The following CCDC117 variants were observed in gnomAD, a reference collection of about 807,000 sequenced individuals.
CCDC117 encodes coiled-coil domain containing 117.
In CCDC117, 1 loss-of-function variant was observed where a neutral mutation model predicts 23.5. The observed-to-expected ratio is 0.04, with a 90% CI of 0.02 to 0.20. The LOEUF is 0.20. Among genes scored for constraint, CCDC117 ranks in the 10% least tolerant of loss-of-function variants. The probability of loss-of-function intolerance (pLI) is 1.00; values close to 1 mark genes in which losing one functional copy is unlikely to be tolerated. For synonymous variants in CCDC117, 132 were observed against 124.8 expected (o/e 1.06, Z -0.39); for missense variants, 383 against 348.2 (o/e 1.10, Z -0.80).
chr22:28,788,014 T>C lies in CCDC117; in HGVS notation c.*1688T>C, dbSNP rs2031569056. On this transcript the variant is annotated 3_prime_UTR_variant, in exon 5 of 5. Transcript: ENST00000249064. The stretch of plus-strand genomic sequence containing the variant: ...TCTGTTAATTGGACTGTTGCTTCTT[T>C]GCCTGTTCCTGCTTTCTCTTTCTGT... 1 of 152,678 alleles carries C rather than the reference T, an allele frequency of 6.5e-6. No individual in the cohort carries two copies. The highest frequency in any genetic ancestry group is 6.5e-5 in the Admixed American group (1 of 15,284). The allele number at this position is 152,678 out of a possible 1,614,324, so 9.5% of individuals were successfully genotyped here.
intron 3 of CCDC117, among the ~76,000 whole-genome samples, chr22:28,781,857 G>A (rs2031347819): frequency 6.7e-6 from 1 of 149,900 alleles, no homozygotes; most frequent in African/African-American, 2.5e-5. Flanking sequence ...TGGTCAGGCT[G>A]GTCTGGAACA....
chr22:28,781,210 C>A, intron 3 of CCDC117, 38 bp downstream of exon 3: 1 of 1,256,464 alleles, frequency 8.0e-7, no homozygotes, highest in Non-Finnish European at 1.2e-6. Flanking sequence ...TTTTGCTGTT[C>A]TCTTGTAATA....
chr22:28,778,008 G>A (rs1228441824), intron 2 of CCDC117, among the ~76,000 whole-genome samples: 1 of 151,822 alleles, frequency 6.6e-6, no homozygotes, highest in East Asian at 1.9e-4. Context: ...ACCACGCCCG[G>A]CAAATTTTTT....
At chr22:28,773,608 C>T in intron 1 of CCDC117, 117 bp from the exon 2 acceptor site, 1 of 800,868 alleles carries the variant, frequency 1.2e-6, no homozygotes, top group Non-Finnish European at 2.1e-6. Context: ...CCACTAGGCT[C>T]AGAAAGGGAC....
rs370852937 is a variant in CCDC117 at position 28,787,882 on chromosome 22, A to T, written c.*1556A>T. 6.6e-6 allele frequency: 1 copy of T among 152,502 alleles called. No homozygotes were observed. Among genetic ancestry groups the T allele is most frequent in the Non-Finnish European group, 1.5e-5 (1 of 68,028 alleles). The allele number at this position is 152,502 out of a possible 1,614,324, so 9.4% of individuals were successfully genotyped here. ...AATCAGATACCTTTTGTAGAAAAAAATGGCTTATGCCACGTAAAGGTGAAT... is the reference window on the plus strand; with the variant it reads ...AATCAGATACCTTTTGTAGAAAAAATTGGCTTATGCCACGTAAAGGTGAAT... On this transcript the variant is annotated 3_prime_UTR_variant, in exon 5 of 5. Coordinates refer to ENST00000249064, the MANE Select transcript of CCDC117 (RefSeq NM_173510.4).
intron 2 of CCDC117, among the ~76,000 whole-genome samples, chr22:28,778,914 C>T (rs2031244869): frequency 6.6e-6 from 1 of 152,082 alleles, no homozygotes; most frequent in Non-Finnish European, 1.5e-5. Context: ...GAGGTCAGAG[C>T]GCAGAACCCA....
chr22:28,780,713 C>T (rs996189358), intron 2 of CCDC117, among the ~76,000 whole-genome samples: 2 of 152,172 alleles, frequency 1.3e-5, no homozygotes, highest in African/African-American at 2.4e-5. Flanking sequence ...CACTTACTGT[C>T]TGAACAGGCA....
At chr22:28,785,986 A>G in intron 4 of CCDC117, 103 bp from the exon 5 acceptor site, 1 of 754,454 alleles carries the variant, frequency 1.3e-6, no homozygotes, top group Admixed American at 2.5e-5. Context: ...CTGTTTTGCT[A>G]TCATCAGTCC....
chr22:28,784,333 G>C (rs2031446302), intron 4 of CCDC117, among the ~76,000 whole-genome samples: 1 of 152,224 alleles, frequency 6.6e-6, no homozygotes, highest in African/African-American at 2.4e-5. Flanking sequence ...CCTGAGTAAT[G>C]ATTAGCCCAG....
chr22:28,772,844 C>T lies in CCDC117; in HGVS notation c.-6C>T. On this transcript the variant is annotated 5_prime_UTR_variant, in exon 1 of 5. Transcript: ENST00000249064. The stretch of plus-strand genomic sequence containing the variant: ...CCGCCGTCGCAGCCTCCTCGTCTCG[C>T]CGGCTATGGCTGCGCTCGGCCGGCC... 2 of 1,226,872 alleles carry T rather than the reference C, an allele frequency of 1.6e-6. No homozygotes were observed. Among genetic ancestry groups the T allele is most frequent in the Non-Finnish European group, 1.0e-6 (1 of 984,410 alleles). The allele number at this position is 1,226,872 out of a possible 1,614,324, so 76.0% of individuals were successfully genotyped here.
intron 3 of CCDC117, 26 bp downstream of exon 3, chr22:28,781,198 T>A (rs1208809346): frequency 2.8e-6 from 4 of 1,418,202 alleles, no homozygotes; most frequent in Non-Finnish European, 3.0e-6. Flanking sequence ...ATATAGCTGG[T>A]TTTTTGCTGT....
chr22:28,786,213 G>A lies in CCDC117; in HGVS notation c.727G>A (p.Gly243Ser). Residue 243 changes from glycine (G) to serine (S), a missense_variant, in exon 5 of 5, where the codon GGC (glycine) becomes AGC (serine). Coordinates refer to ENST00000249064, the MANE Select transcript of CCDC117 (RefSeq NM_173510.4). ...GAGCCAAGCTAAGCATGTAGCTGCT[G>A]GCACTGCCTTCCCTCAGAGAACTGA... ...GESQAKHVAA[G>S]TAFPQRTELF... 6.2e-7 allele frequency: 1 copy of A among 1,614,126 alleles called. No homozygotes were observed. Among genetic ancestry groups the A allele is most frequent in the Non-Finnish European group, 8.5e-7 (1 of 1,179,988 alleles).
intron 2 of CCDC117, among the ~76,000 whole-genome samples, chr22:28,780,100 T>A (rs773574417): frequency 6.6e-6 from 1 of 152,192 alleles, no homozygotes; most frequent in South Asian, 2.1e-4. Flanking sequence ...CTCACTACTT[T>A]ACGGTGACAC....
chr22:28,774,059 GTTTTGT>G (rs1261298538), intron 2 of CCDC117, among the ~76,000 whole-genome samples: 1 of 142,616 alleles, frequency 7.0e-6, no homozygotes, highest in African/African-American at 2.7e-5. Context: ...ATATTGAAAA[GTTTTGT>G]TTTTGTTTTT....
Position 28,774,354 on chromosome 22 carries a change from G to A in CCDC117, c.239+576G>A, listed in dbSNP as rs1171906586. ...AGTGCTGAGATTACAGGCCTGAGCC[G>A]CCCCGGCCTGAAAAGTCTTTTTTTT... On this transcript the variant is annotated intron_variant, in intron 2 of 4. Coordinates refer to ENST00000249064, the MANE Select transcript of CCDC117 (RefSeq NM_173510.4). Among the ~76,000 whole-genome samples the A allele has an allele frequency of 4.8e-5, 7 of 147,028 alleles. No individual in the cohort carries two copies. The South Asian group carries it at 1.1e-3, about 23-fold the overall frequency.
At chr22:28,775,691 G>A (rs1401809779) in intron 2 of CCDC117, among the ~76,000 whole-genome samples, 1 of 152,158 alleles carries the variant, frequency 6.6e-6, no homozygotes, top group Non-Finnish European at 1.5e-5. Context: ...GAGGTCAGGA[G>A]TTCAAGACCA....
rs1013290220 is a variant in CCDC117, at chr22:28,773,016, G to A, written c.167G>A (p.Gly56Glu). 2 of 1,185,248 alleles carry A rather than the reference G, an allele frequency of 1.7e-6. No homozygotes were observed. Among genetic ancestry groups the A allele is most frequent in the Admixed American group, 4.6e-5 (1 of 21,960 alleles). 73.4% of individuals were successfully genotyped at this position (1,185,248 alleles called of 1,614,324 possible). The change falls in exon 1 of 5, where the codon GGG becomes GAG. Residue 56 changes from glycine (G) to glutamate (E), a missense_variant. Transcript: ENST00000249064. Reference sequence around the variant, plus strand: ...CGCGCAGTCCCTAGCAGTCCCGCTGGGAGTGCGGCGCGCGGACGGTGAGGA... The same window carrying A: ...CGCGCAGTCCCTAGCAGTCCCGCTGAGAGTGCGGCGCGCGGACGGTGAGGA... ...GPRAVPSSPA[G>E]SAARGRVSVH...
At chr22:28,773,492 T>C (rs918766754) in intron 1 of CCDC117, 12 of 571,114 alleles carry the variant, frequency 2.1e-5, no homozygotes, top group Middle Eastern at 5.6e-4. Flanking sequence ...TGGTCCTCCC[T>C]AATCTGTCTT....
intron 4 of CCDC117, among the ~76,000 whole-genome samples, chr22:28,785,069 C>T (rs183679596): frequency 6.6e-6 from 1 of 152,234 alleles, no homozygotes; most frequent in East Asian, 1.9e-4. Context: ...CGCGCCCAGC[C>T]AAGGGTATCT....
Sources: gnomAD v4.1 joint callset for allele counts (sites outside exome capture counted in the v4.1 genomes callset) on GRCh38, gnomAD v4.1.1 for gene constraint, MANE v1.5 for transcripts, NCBI Gene and HGNC (gene_info 2026-07-23, HGNC 2026-07-21) for gene names.